The following PLPP1 variants were observed in gnomAD, a reference collection of about 807,000 sequenced individuals.
PLPP1 encodes lipid phosphate phosphohydrolase 1a.
PLPP1 carries 24 observed loss-of-function variants against 31.2 expected under a neutral mutation model. The observed-to-expected ratio is 0.77, with a 90% CI of 0.56 to 1.08. PLPP1 has a LOEUF of 1.08. Among genes scored for constraint, PLPP1 ranks in the 50% least tolerant of loss-of-function variants. The pLI, the probability that PLPP1 is intolerant of heterozygous loss-of-function variation, is 0.00. For synonymous variants in PLPP1, 146 were observed against 126.3 expected, an observed-to-expected ratio of 1.16 and a Z score of -1.05; for missense variants, 319 against 342.7, an observed-to-expected ratio of 0.93 and a Z score of 0.55.
At chr5:55,487,170 T>A (rs949673349) in intron 1 of PLPP1, among the ~76,000 whole-genome samples, 6 of 152,172 alleles carry the variant, frequency 3.9e-5, no homozygotes, top group African/African-American at 1.4e-4. Context: ...AAGTTTTCTA[T>A]CCTGAAACTA....
chr5:55,451,513 C>T (rs1435156352), intron 3 of PLPP1, among the ~76,000 whole-genome samples: 1 of 151,932 alleles, frequency 6.6e-6, no homozygotes. Flanking sequence ...CTCATGTTAC[C>T]AGGAGGACTA....
chr5:55,506,368 A>G (rs1753279848), intron 1 of PLPP1, among the ~76,000 whole-genome samples: 1 of 152,170 alleles, frequency 6.6e-6, no homozygotes, highest in South Asian at 2.1e-4. Context: ...GTGAACACTA[A>G]GGCAGATAAT....
chr5:55,513,268 C>CT (rs71600887), intron 1 of PLPP1, among the ~76,000 whole-genome samples: 6 of 117,550 alleles, frequency 5.1e-5, no homozygotes, highest in African/African-American at 1.2e-4. Flanking sequence ...ATAATGACTC[C>CT]TTTTTTTTTA....
chr5:55,458,341 AC>A (rs1313962787), intron 3 of PLPP1, among the ~76,000 whole-genome samples: 1 of 152,058 alleles, frequency 6.6e-6, no homozygotes, highest in Non-Finnish European at 1.5e-5. Context: ...GAAAATAAAC[AC>A]CTTTCTTCAT....
At chr5:55,468,941 TA>T (rs1752362278) in intron 2 of PLPP1, among the ~76,000 whole-genome samples, 1 of 151,968 alleles carries the variant, frequency 6.6e-6, no homozygotes, top group African/African-American at 2.4e-5. Flanking sequence ...TTAAAAAGAG[TA>T]AAATCATTTC....
intron 3 of PLPP1, among the ~76,000 whole-genome samples, chr5:55,443,212 T>TATATATATATATACAC (rs1169152710): frequency 2.9e-5 from 3 of 104,998 alleles, no homozygotes; most frequent in Admixed American, 1.1e-4. Flanking sequence ...TATATATATA[T>TATATATATATATACAC]ACACACACAC....
At chr5:55,464,947 C>CA (rs1317706923) in intron 3 of PLPP1, among the ~76,000 whole-genome samples, 2 of 151,862 alleles carry the variant, frequency 1.3e-5, no homozygotes, top group Admixed American at 1.3e-4. Context: ...AATTATACCT[C>CA]AAAAAAGCTA....
intron 4 of PLPP1, among the ~76,000 whole-genome samples, chr5:55,438,070 C>T (rs1211798952): frequency 1.3e-5 from 2 of 152,114 alleles, no homozygotes; most frequent in African/African-American, 2.4e-5. Flanking sequence ...AGCATAGATA[C>T]AGGAATTTCA....
intron 1 of PLPP1, chr5:55,491,135 A>G (rs1752880069): frequency 6.2e-7 from 1 of 1,605,026 alleles, no homozygotes; most frequent in Non-Finnish European, 8.5e-7. Flanking sequence ...AGGGAAAAAA[A>G]GACACACATG....
At chr5:55,486,463 G>A (rs1384219879) in intron 1 of PLPP1, among the ~76,000 whole-genome samples, 1 of 151,898 alleles carries the variant, frequency 6.6e-6, no homozygotes, top group East Asian at 1.9e-4. Flanking sequence ...GCACACGCCT[G>A]TAGTCCCAGC....
intron 3 of PLPP1, among the ~76,000 whole-genome samples, chr5:55,461,075 A>G (rs1277760568): frequency 6.6e-6 from 1 of 152,116 alleles, no homozygotes; most frequent in Non-Finnish European, 1.5e-5. Context: ...GCACACCTGT[A>G]GTCTCAGCTA....
At chr5:55,467,165 A>G (rs1444129194) in intron 3 of PLPP1, among the ~76,000 whole-genome samples, 3 of 152,202 alleles carry the variant, frequency 2.0e-5, no homozygotes, top group Non-Finnish European at 4.4e-5. Context: ...AAAAATCTAA[A>G]CAATAATAAT....
chr5:55,440,931 A>G (rs1410685712), intron 4 of PLPP1, among the ~76,000 whole-genome samples: 1 of 152,188 alleles, frequency 6.6e-6, no homozygotes, highest in Non-Finnish European at 1.5e-5. Flanking sequence ...AAATCCCCTT[A>G]TAAAGAAAAT....
chr5:55,425,055 A>T lies in PLPP1; in HGVS notation c.*151T>A. ...GATAACCACTGAGTTAAAGGTAACT[A>T]TGTACACACAAAGTGTGCATCCAAG... On this transcript the variant is annotated 3_prime_UTR_variant, in exon 6 of 6. Transcript: ENST00000307259. 9.5e-7 allele frequency: 1 copy of T among 1,052,310 alleles called. No homozygotes were observed. The highest frequency in any genetic ancestry group is 1.6e-5 in the South Asian group (1 of 61,624). The allele number at this position is 1,052,310 out of a possible 1,614,324, so 65.2% of individuals were successfully genotyped here.
At chr5:55,469,314 C>T (rs1579945504) in intron 2 of PLPP1, among the ~76,000 whole-genome samples, 2 of 151,658 alleles carry the variant, frequency 1.3e-5, no homozygotes, top group East Asian at 3.9e-4. Flanking sequence ...ATGGTGAAAC[C>T]CCATCTCTAC....
At chr5:55,471,894 G>C (rs1290588752) in intron 2 of PLPP1, among the ~76,000 whole-genome samples, 1 of 152,124 alleles carries the variant, frequency 6.6e-6, no homozygotes, top group South Asian at 2.1e-4. Flanking sequence ...TGAGGCAGGA[G>C]GGCTGCTTGA....
chr5:55,484,132 A>G (rs919391821), intron 1 of PLPP1, among the ~76,000 whole-genome samples: 5 of 152,148 alleles, frequency 3.3e-5, no homozygotes, highest in African/African-American at 1.2e-4. Context: ...GCCCAGTCTT[A>G]GCAAAAGTCC....
chr5:55,514,109 T>C (rs1753502636), intron 1 of PLPP1, among the ~76,000 whole-genome samples: 1 of 152,218 alleles, frequency 6.6e-6, no homozygotes, highest in Non-Finnish European at 1.5e-5. Context: ...GCCAGGCACA[T>C]GGCTCATGCC....
At chr5:55,440,875 G>A (rs1272223899) in intron 4 of PLPP1, among the ~76,000 whole-genome samples, 2 of 152,022 alleles carry the variant, frequency 1.3e-5, no homozygotes, top group Admixed American at 1.3e-4. Context: ...TGATCAAAGG[G>A]AAAAACACAG....
Sources: gnomAD v4.1 joint callset for allele counts (sites outside exome capture counted in the v4.1 genomes callset) on GRCh38, gnomAD v4.1.1 for gene constraint, MANE v1.5 for transcripts, NCBI Gene and HGNC (gene_info 2026-07-23, HGNC 2026-07-21) for gene names.